Variants in MECOM observed in about 807,000 individuals in gnomAD.
MECOM encodes MDS1 and EVI1 complex locus, also known as histone-lysine N-methyltransferase MECOM.
In MECOM, 13 loss-of-function variants were observed where a neutral mutation model predicts 116.3. That is an observed-to-expected ratio of 0.11 (90% CI 0.07 to 0.18). The LOEUF is 0.18. MECOM is among the 10% of genes least tolerant of loss of function. The pLI is 1.00. For missense variants in MECOM, 1,299 were observed against 1,509.0 expected, an observed-to-expected ratio of 0.86 and a Z score of 2.31; for synonymous variants, 528 against 535.2, an observed-to-expected ratio of 0.99 and a Z score of 0.19.
At chr3:169,415,962 T>C (rs1162215282) in intron 1 of MECOM, among the ~76,000 whole-genome samples, 1 of 152,044 alleles carries the variant, frequency 6.6e-6, no homozygotes, top group East Asian at 1.9e-4. Flanking sequence ...ATTAGACAGA[T>C]CAATGAGACA....
At chr3:169,191,760 AAG>A (rs1747692950) in intron 2 of MECOM, among the ~76,000 whole-genome samples, 3 of 129,162 alleles carry the variant, frequency 2.3e-5, no homozygotes, top group South Asian at 2.6e-4. Context: ...GAAAGAAAGA[AAG>A]AAAGAAAGAA....
intron 3 of MECOM, among the ~76,000 whole-genome samples, chr3:169,138,519 G>A (rs1395206781): frequency 6.6e-6 from 1 of 152,166 alleles, no homozygotes; most frequent in Non-Finnish European, 1.5e-5. Context: ...CTTAGGCACT[G>A]TTCACAAAGC....
intron 2 of MECOM, among the ~76,000 whole-genome samples, chr3:169,180,416 G>A (rs1745790904): frequency 1.3e-5 from 2 of 152,066 alleles, no homozygotes; most frequent in African/African-American, 4.8e-5. Context: ...ATGTGTGTAT[G>A]TTTTGATGCG....
intron 2 of MECOM, among the ~76,000 whole-genome samples, chr3:169,229,822 A>G (rs1753163413): frequency 6.6e-6 from 1 of 152,194 alleles, no homozygotes; most frequent in African/African-American, 2.4e-5. Flanking sequence ...AATCAGTTTC[A>G]TGGGTTATTT....
chr3:169,522,182 TACTC>T (rs1757425080), intron 1 of MECOM, among the ~76,000 whole-genome samples: 1 of 152,188 alleles, frequency 6.6e-6, no homozygotes, highest in South Asian at 2.1e-4. Context: ...ATTACATCCT[TACTC>T]AATCATGTAG....
rs150255027 is a variant in MECOM at position 169,208,324 on chromosome 3, T to C, written c.376-64492A>G. ...ACATTATATAATATGTATTATATTA[T>C]ATATATAATGTATAGCAAAAGATTT... On this transcript the variant is annotated intron_variant, in intron 2 of 16. Coordinates refer to ENST00000651503, the MANE Select transcript of MECOM (RefSeq NM_004991.4). Among the ~76,000 whole-genome samples the C allele has an allele frequency of 4.6e-3, 682 of 148,470 alleles. 3 individuals are homozygous for C. Among genetic ancestry groups the C allele is most frequent in the African/African-American group, 0.016 (647 of 40,894 alleles).
chr3:169,314,317 A>G (rs573858842), intron 2 of MECOM, among the ~76,000 whole-genome samples: 10 of 152,348 alleles, frequency 6.6e-5, no homozygotes, highest in Admixed American at 5.2e-4. Context: ...TTTATAGATG[A>G]ACAAATAAAT....
chr3:169,559,589 C>T (rs1385450466), intron 1 of MECOM, among the ~76,000 whole-genome samples: 1 of 152,150 alleles, frequency 6.6e-6, no homozygotes, highest in Admixed American at 6.6e-5. Context: ...TGGGTGAAAA[C>T]AATATATCTG....
intron 1 of MECOM, among the ~76,000 whole-genome samples, chr3:169,599,861 T>A (rs1472877296): frequency 6.6e-6 from 1 of 152,218 alleles, no homozygotes; most frequent in Non-Finnish European, 1.5e-5. Flanking sequence ...TATAATTTCC[T>A]TTGTCTTCTA....
At chr3:169,612,637 T>G (rs1769431060) in intron 1 of MECOM, among the ~76,000 whole-genome samples, 1 of 152,122 alleles carries the variant, frequency 6.6e-6, no homozygotes, top group Non-Finnish European at 1.5e-5. Flanking sequence ...TATGTGCTTA[T>G]TTTCTTTTGA....
chr3:169,453,909 G>C (rs1309931121), intron 1 of MECOM, among the ~76,000 whole-genome samples: 1 of 151,572 alleles, frequency 6.6e-6, no homozygotes, highest in Non-Finnish European at 1.5e-5. Context: ...AAGGCTAAAA[G>C]CAATGGATAA....
chr3:169,659,632 A>T (rs1776017860), intron 1 of MECOM, among the ~76,000 whole-genome samples: 1 of 151,984 alleles, frequency 6.6e-6, no homozygotes, highest in African/African-American at 2.4e-5. Flanking sequence ...CCTCAGAAGC[A>T]ATCTGAAATA....
In MECOM at chr3:169,536,748, T is replaced by G. The variant is rs1759415431; in HGVS notation, c.37+126588A>C. ...CTTCAAGACCTCAGCTCCTTTTAATTTTAACACTTACCAAACTAGAAATGA... is the reference window on the plus strand; with the variant it reads ...CTTCAAGACCTCAGCTCCTTTTAATGTTAACACTTACCAAACTAGAAATGA... On this transcript the variant is annotated intron_variant, in intron 1 of 16. Coordinates refer to ENST00000651503, the MANE Select transcript of MECOM (RefSeq NM_004991.4). Among the ~76,000 whole-genome samples the G allele has an allele frequency of 3.3e-5, 5 of 152,218 alleles. No individual in the cohort carries two copies. The South Asian group carries it at 1.0e-3, about 32-fold the overall frequency.
At chr3:169,283,279 G>C (rs1444005123) in intron 2 of MECOM, among the ~76,000 whole-genome samples, 1 of 152,096 alleles carries the variant, frequency 6.6e-6, no homozygotes, top group East Asian at 1.9e-4. Context: ...AAGGCAGAAT[G>C]ATCACTTGAG....
intron 2 of MECOM, among the ~76,000 whole-genome samples, chr3:169,271,551 C>G (rs949818807): frequency 6.6e-6 from 1 of 152,058 alleles, no homozygotes; most frequent in Non-Finnish European, 1.5e-5. Context: ...TAGGTGGGAG[C>G]TGAACTCGAG....
intron 2 of MECOM, among the ~76,000 whole-genome samples, chr3:169,198,616 C>T (rs986664583): frequency 6.6e-6 from 1 of 151,912 alleles, no homozygotes; most frequent in African/African-American, 2.4e-5. Flanking sequence ...CTTTTTCCTT[C>T]GCATACCTTA....
At chr3:169,372,460 T>C (rs1161995974) in intron 2 of MECOM, among the ~76,000 whole-genome samples, 2 of 152,032 alleles carry the variant, frequency 1.3e-5, no homozygotes, top group Non-Finnish European at 2.9e-5. Flanking sequence ...AAACAAGAAG[T>C]TTGTGATCTC....
chr3:169,635,799 T>C (rs1252330175), intron 1 of MECOM, among the ~76,000 whole-genome samples: 3 of 152,184 alleles, frequency 2.0e-5, no homozygotes, highest in Non-Finnish European at 4.4e-5. Flanking sequence ...TCATAATTAA[T>C]TTATTTCTTT....
intron 1 of MECOM, among the ~76,000 whole-genome samples, chr3:169,641,760 A>G (rs1191995190): frequency 6.6e-6 from 1 of 152,214 alleles, no homozygotes; most frequent in African/African-American, 2.4e-5. Flanking sequence ...CTATCTGTCC[A>G]AAGTCTCAAA....
Sources: gnomAD v4.1 joint callset for allele counts (sites outside exome capture counted in the v4.1 genomes callset) on GRCh38, gnomAD v4.1.1 for gene constraint, MANE v1.5 for transcripts, NCBI Gene and HGNC (gene_info 2026-07-23, HGNC 2026-07-21) for gene names.